The following LRRC9 variants were observed in gnomAD, a reference collection of about 807,000 sequenced individuals.
LRRC9 encodes leucine-rich repeat-containing protein 9.
A neutral mutation model predicts 63.2 loss-of-function variants in LRRC9; 122 were observed. The observed-to-expected ratio is 1.93, with a 90% CI of 1.67 to 2.24. The LOEUF is 2.24. Ranked by LOEUF, LRRC9 falls within the 30% of genes most tolerant of loss-of-function variation. The pLI is 0.00. For synonymous variants in LRRC9, 366 were observed against 213.1 expected, an observed-to-expected ratio of 1.72 and a Z score of -6.25; for missense variants, 1,071 against 627.7, an observed-to-expected ratio of 1.71 and a Z score of -7.55.
intron 17 of LRRC9, among the ~76,000 whole-genome samples, chr14:59,995,952 A>G (rs537770746): frequency 1.7e-3 from 264 of 152,244 alleles, no homozygotes; most frequent in African/African-American, 5.9e-3. Context: ...CATGTTGGCC[A>G]GATGGTCTCA....
chr14:59,987,608 A>G (rs1594948937), intron 17 of LRRC9, among the ~76,000 whole-genome samples: 1 of 151,814 alleles, frequency 6.6e-6, no homozygotes, highest in African/African-American at 2.4e-5. Flanking sequence ...CCCATCTTCT[A>G]TATTTCCTGC....
rs78860121 is a variant in LRRC9, at chr14:60,053,416, CACACAT to C, written c.4131+213_4131+218del. Reference sequence around the variant, plus strand: ...ACACACACACACACACACACACACACACACATATATATGTAAGTCAGGGAACATCCT... The same window carrying C: ...ACACACACACACACACACACACACACATATATGTAAGTCAGGGAACATCCT... On this transcript the variant is annotated intron_variant, in intron 30 of 31. Transcript: ENST00000445360. The surrounding 1 kb of genome is among the most constrained non-coding windows in gnomAD (Gnocchi z 4.8). Among the ~76,000 whole-genome samples the C allele has an allele frequency of 0.58, 73,295 of 125,656 alleles. 18,506 individuals are homozygous for C. The highest frequency in any genetic ancestry group is 0.67 in the Non-Finnish European group (37,863 of 56,376). 82.4% of individuals were successfully genotyped at this position (125,656 alleles called of 152,430 possible).
At chr14:60,036,820 G>A (rs1892478085) in intron 29 of LRRC9, among the ~76,000 whole-genome samples, 1 of 151,896 alleles carries the variant, frequency 6.6e-6, no homozygotes, top group Non-Finnish European at 1.5e-5. Context: ...CAACGTGCAA[G>A]TTTGTTACAT....
chr14:60,044,666 T>C (rs1362652621), intron 29 of LRRC9, among the ~76,000 whole-genome samples: 1 of 152,206 alleles, frequency 6.6e-6, no homozygotes, highest in Non-Finnish European at 1.5e-5. Flanking sequence ...TGATATTATT[T>C]GTTTTTCAGA....
intron 23 of LRRC9, among the ~76,000 whole-genome samples, chr14:60,008,753 G>A (rs868638329): frequency 6.6e-6 from 1 of 152,046 alleles, no homozygotes; most frequent in Non-Finnish European, 1.5e-5. Context: ...CACATAGCAG[G>A]GTAAATGCAT....
At chr14:59,981,949 T>A (rs1274248240) in exon 16 of LRRC9, 17 of 702,524 alleles carry the variant, frequency 2.4e-5, no homozygotes, top group Non-Finnish European at 4.4e-5. Flanking sequence ...TGAAATTTGA[T>A]GATGAAGTTA....
At chr14:59,999,720 A>C (rs1183819893) in intron 19 of LRRC9, among the ~76,000 whole-genome samples, 1 of 152,086 alleles carries the variant, frequency 6.6e-6, no homozygotes, top group South Asian at 2.1e-4. Context: ...AACATCCTAA[A>C]TATATCTACT....
At chr14:59,960,330 A>C (rs956047930) in intron 9 of LRRC9, among the ~76,000 whole-genome samples, 2 of 152,204 alleles carry the variant, frequency 1.3e-5, no homozygotes, top group Non-Finnish European at 2.9e-5. Flanking sequence ...AAACTCACCA[A>C]ATAGATGAGA....
chr14:60,049,724 G>T (rs527765636), intron 29 of LRRC9, among the ~76,000 whole-genome samples: 5 of 152,190 alleles, frequency 3.3e-5, no homozygotes, highest in Admixed American at 3.3e-4. Context: ...TGACGATTAT[G>T]TATGTGTCTT....
At chr14:60,064,699 T>C (rs1377437156), downstream of LRRC9, among the ~76,000 whole-genome samples, 1 of 152,232 alleles carries the variant, frequency 6.6e-6, no homozygotes, top group East Asian at 1.9e-4. Context: ...GATGTCTTTG[T>C]TGCCCTTTAG....
chr14:59,977,309 T>C, exon 14 of LRRC9: 1 of 699,818 alleles, frequency 1.4e-6, no homozygotes, highest in Admixed American at 2.0e-5. Context: ...AACTATCCAA[T>C]GGTTAATTCA....
At chr14:59,977,092 T>C (rs181168809) in intron 13 of LRRC9, 133 bp from the exon 14 acceptor site, 7 of 570,542 alleles carry the variant, frequency 1.2e-5, no homozygotes, top group East Asian at 8.5e-5. Context: ...CGCTGTACAG[T>C]AGCAAACAAG....
intron 12 of LRRC9, among the ~76,000 whole-genome samples, chr14:59,971,055 T>TCC (rs1885436277): frequency 6.6e-6 from 1 of 152,064 alleles, no homozygotes; most frequent in East Asian, 1.9e-4. Flanking sequence ...TAGTTTTGGG[T>TCC]TTTACATTTA....
chr14:60,059,175 T>G lies in LRRC9; in HGVS notation c.4276+1153T>G, dbSNP rs1595132690. The G allele has an allele frequency of 1.3e-5, 2 of 152,322 alleles. 1 individual carries two copies. The highest frequency in any genetic ancestry group is 3.9e-4 in the East Asian group (2 of 5,184). The allele number at this position is 152,322 out of a possible 1,614,324, so 9.4% of individuals were successfully genotyped here. A position where few individuals can be genotyped will look rare whatever the true frequency, so the allele number is the denominator to read the frequency against. On this transcript the variant is annotated intron_variant, in intron 31 of 31. Coordinates refer to ENST00000445360, the Ensembl canonical transcript of LRRC9. ...TTATTGCATTTCACAGATATTGAGT[T>G]TTTTACAAATTGTAGGTTTGTGACA...
In LRRC9 at chr14:59,958,473, C is replaced by T. The variant is rs1884020809; in HGVS notation, c.883-1345C>T. On this transcript the variant is annotated intron_variant, in intron 8 of 31. Coordinates refer to ENST00000445360, the Ensembl canonical transcript of LRRC9. The surrounding 1 kb of genome is among the most constrained non-coding windows in gnomAD (Gnocchi z 4.0). ...CCTCAGTAATGGTGGACACCCCTGC[C>T]CCAACCAAGCTCAATCGACCCAGGT... 6.6e-6 allele frequency among the ~76,000 whole-genome samples: 1 copy of T among 152,186 alleles called. No homozygotes were observed. The highest frequency in any genetic ancestry group is 6.5e-5 in the Admixed American group (1 of 15,280).
At chr14:59,993,832 A>G (rs1888439173) in intron 17 of LRRC9, among the ~76,000 whole-genome samples, 1 of 152,218 alleles carries the variant, frequency 6.6e-6, no homozygotes, top group African/African-American at 2.4e-5. Flanking sequence ...AGTGACCTAC[A>G]AAGAGACTTA....
intron 15 of LRRC9, among the ~76,000 whole-genome samples, chr14:59,980,720 T>C (rs1202075802): frequency 9.8e-5 from 15 of 152,352 alleles, no homozygotes. Flanking sequence ...GACATTTATA[T>C]TTTATATTGC....
intron 8 of LRRC9, among the ~76,000 whole-genome samples, chr14:59,953,229 G>A (rs1440804356): frequency 6.6e-6 from 1 of 152,186 alleles, no homozygotes; most frequent in Non-Finnish European, 1.5e-5. Flanking sequence ...TTGAGGAAAC[G>A]TCACACTGTC....
chr14:60,015,687 C>G (rs1017319466), intron 23 of LRRC9, among the ~76,000 whole-genome samples: 7 of 152,166 alleles, frequency 4.6e-5, no homozygotes, highest in African/African-American at 1.4e-4. Flanking sequence ...TGATGCTCCA[C>G]AGATAACTCA....
Sources: allele counts gnomAD v4.1 joint callset (sites outside exome capture counted in the v4.1 genomes callset), GRCh38; gene constraint gnomAD v4.1.1; non-coding constraint Gnocchi (gnomAD v3.1); transcripts MANE v1.5; gene names NCBI Gene and HGNC (gene_info 2026-07-23, HGNC 2026-07-21).